ZNF518B: variants seen among roughly 807,000 people sequenced by gnomAD.
The protein encoded by ZNF518B is zinc finger protein 518B.
In ZNF518B, 23 loss-of-function variants were observed where a neutral mutation model predicts 56.3. The observed-to-expected ratio is 0.41, with a 90% confidence interval of 0.29 to 0.58. ZNF518B has a LOEUF of 0.58. Ranked by LOEUF, ZNF518B falls within the 20% of genes least tolerant of loss-of-function variation. The pLI, the probability that ZNF518B is intolerant of heterozygous loss-of-function variation, is 0.32. For synonymous variants in ZNF518B, 529 were observed against 465.9 expected (o/e 1.14, Z -1.74); for missense variants, 1,460 against 1,272.1 (o/e 1.15, Z -2.25).
In ZNF518B at chr4:10,440,022, T is replaced by A. The variant is rs534219873; in HGVS notation, c.*3082A>T. The A allele has an allele frequency of 1.2e-4, 18 of 152,784 alleles. No individual in the cohort carries two copies. The South Asian group carries it at 3.7e-3, about 32-fold the overall frequency. The allele number at this position is 152,784 out of a possible 1,614,324, so 9.5% of individuals were successfully genotyped here. ...AATTACAATAATGCTTAAAACATGTTACACAATGTTTTGTTTCTGCTCATA... is the reference window on the plus strand; with the variant it reads ...AATTACAATAATGCTTAAAACATGTAACACAATGTTTTGTTTCTGCTCATA... On this transcript the variant is annotated 3_prime_UTR_variant, in exon 3 of 3. Transcript: ENST00000326756.
chr4:10,445,843 G>A lies in ZNF518B; in HGVS notation c.486C>T (p.Phe162=), dbSNP rs931822516. ...KHTLQHEEIK[F]ICSHCSYISY... is the part of the protein sequence containing the mutation. ...AAATGTAGCTGCAGTGAGAACAAAT[G>A]AATTTAATCTCCTCGTGTTGAAGGG... Residue 162 remains phenylalanine (F), a synonymous_variant, in exon 3 of 3, where the codon TTC becomes TTT. Coordinates refer to ENST00000326756, the MANE Select transcript of ZNF518B (RefSeq NM_053042.3). 5 of 1,614,122 alleles carry A rather than the reference G, an allele frequency of 3.1e-6. No individual in the cohort carries two copies. Among genetic ancestry groups the A allele is most frequent in the Non-Finnish European group, 3.4e-6 (4 of 1,180,048 alleles).
rs372788187 is a variant in ZNF518B at position 10,443,321 on chromosome 4, A to G, written c.3008T>C (p.Ile1003Thr). Residue 1003 changes from isoleucine to threonine, a missense_variant, in exon 3 of 3, where the codon ATT becomes ACT. Ile to Thr is a moderately conservative substitution (Grantham distance 89, BLOSUM62 -1). Coordinates refer to ENST00000326756, the MANE Select transcript of ZNF518B (RefSeq NM_053042.3). ...TYQNAEEASQIKRQMMLKMKL... is the reference protein window; with the variant it reads ...TYQNAEEASQTKRQMMLKMKL... ...CATTTTCAACATCATTTGCCTTTTAATTTGACTGGCTTCTTCCGCATTCTG... is the reference window on the plus strand; with the variant it reads ...CATTTTCAACATCATTTGCCTTTTAGTTTGACTGGCTTCTTCCGCATTCTG... 3.1e-6 allele frequency: 5 copies of G among 1,614,004 alleles called. No homozygotes were observed. Among genetic ancestry groups the G allele is most frequent in the Admixed American group, 1.7e-5 (1 of 59,992 alleles).
chr4:10,449,765 A>C (rs181754264), intron 2 of ZNF518B, among the ~76,000 whole-genome samples: 1 of 152,372 alleles, frequency 6.6e-6, no homozygotes, highest in East Asian at 1.9e-4. Context: ...CTATTTGAAC[A>C]TAACACCCTC....
Position 10,445,242 on chromosome 4 carries a change from G to A in ZNF518B, c.1087C>T (p.Leu363=), listed in dbSNP as rs111902822. 14 of 1,614,204 alleles carry A rather than the reference G, an allele frequency of 8.7e-6. No homozygotes were observed. In the African/African-American group the frequency reaches 1.1e-4, roughly 12 times the overall value. The change falls in exon 3 of 3, where the codon CTG becomes TTG. Residue 363 remains leucine, a synonymous_variant. Coordinates refer to ENST00000326756, the MANE Select transcript of ZNF518B (RefSeq NM_053042.3). The part of the protein sequence containing the change: ...VNGTQQLVLK[L]FPLEENNCLE... ...CAATTATTTTCTTCCAGCGGAAACA[G>A]TTTCAGAACAAGCTGCTGTGTACCA...
At chr4:10,451,534 C>T (rs1169874250) in intron 2 of ZNF518B, 1 of 152,134 alleles carries the variant, frequency 6.6e-6, no homozygotes, top group Non-Finnish European at 1.5e-5. Context: ...CATATCATAA[C>T]CTGTTAAAAA....
chr4:10,457,660 C>T (rs1715609525), upstream of ZNF518B, among the ~76,000 whole-genome samples: 1 of 152,242 alleles, frequency 6.6e-6, no homozygotes, highest in South Asian at 2.1e-4. Context: ...GATTCGGCTT[C>T]GGTCCTGGCC....
chr4:10,456,192 G>GTT (rs563881387), intron 1 of ZNF518B, among the ~76,000 whole-genome samples: 2 of 146,708 alleles, frequency 1.4e-5, no homozygotes, highest in African/African-American at 2.5e-5. Context: ...ATGCTCTGTA[G>GTT]TTTTTTTTTT....
At chr4:10,460,196 T>G (rs921168546), upstream of ZNF518B, among the ~76,000 whole-genome samples, 7 of 149,742 alleles carry the variant, frequency 4.7e-5, no homozygotes, top group African/African-American at 7.4e-5. Context: ...TCCCAGCTAC[T>G]CAGGAGGCTG....
chr4:10,458,159 A>G (rs1263399268), upstream of ZNF518B, among the ~76,000 whole-genome samples: 1 of 152,172 alleles, frequency 6.6e-6, no homozygotes, highest in African/African-American at 2.4e-5. Flanking sequence ...GAAGGAAGAC[A>G]TATTTAGAAT....
chr4:10,445,467 C>T lies in ZNF518B; in HGVS notation c.862G>A (p.Val288Ile). The change falls in exon 3 of 3, where the codon GTA (valine) becomes ATA (isoleucine). Residue 288 changes from valine (V) to isoleucine (I), a missense_variant. By Grantham distance (29) the Val-to-Ile change is conservative. Coordinates refer to ENST00000326756, the MANE Select transcript of ZNF518B (RefSeq NM_053042.3). ...LPEPKEYQKD[V>I]VCIPNKMTLS... ...GTCATTTTATTTGGAATACAAACTA[C>T]ATCTTTTTGGTATTCCTTTGGTTCA... 7 of 1,614,226 alleles carry T rather than the reference C, an allele frequency of 4.3e-6. No individual in the cohort carries two copies. The highest frequency in any genetic ancestry group is 5.1e-6 in the Non-Finnish European group (6 of 1,180,030).
rs147795710 is a variant in ZNF518B at position 10,444,220 on chromosome 4, G to A, written c.2109C>T (p.Thr703=). The A allele has an allele frequency of 1.7e-5, 27 of 1,614,244 alleles. No homozygotes were observed. The highest frequency in any genetic ancestry group is 1.2e-4 in the African/African-American group (9 of 75,066). The change falls in exon 3 of 3, where the codon ACC becomes ACT. Residue 703 remains threonine, a synonymous_variant. Transcript: ENST00000326756. ...GQASKGTSKA[T]SEGIQEINVS... is the part of the protein sequence containing the mutation. ...CGTTGATTTCTTGAATACCTTCAGAGGTAGCTTTTGAAGTTCCCTTTGATG... is the reference window on the plus strand; with the variant it reads ...CGTTGATTTCTTGAATACCTTCAGAAGTAGCTTTTGAAGTTCCCTTTGATG...
chr4:10,448,651 T>C (rs1363506066), intron 2 of ZNF518B, among the ~76,000 whole-genome samples: 1 of 151,838 alleles, frequency 6.6e-6, no homozygotes, highest in Non-Finnish European at 1.5e-5. Context: ...GCCTGCAGGG[T>C]TGCAGTGGGG....
In ZNF518B at chr4:10,452,008, G is replaced by A. The variant is rs552134012; in HGVS notation, c.-212+2797C>T. 4 of 152,326 alleles carry A rather than the reference G, an allele frequency of 2.6e-5. No individual in the cohort carries two copies. In the South Asian group the frequency reaches 6.2e-4, roughly 24 times the overall value. 9.4% of individuals were successfully genotyped at this position (152,326 alleles called of 1,614,324 possible). Reference sequence around the variant, plus strand: ...CCACATACATTTCTGTTCAGGAGATGCCCAGCAAGCTCAGTGTTAGTTGAC... The same window carrying A: ...CCACATACATTTCTGTTCAGGAGATACCCAGCAAGCTCAGTGTTAGTTGAC... On this transcript the variant is annotated intron_variant, in intron 2 of 2. Transcript: ENST00000326756.
Position 10,443,722 on chromosome 4 carries a change from T to C in ZNF518B, c.2607A>G (p.Gly869=). 6.2e-7 allele frequency: 1 copy of C among 1,614,142 alleles called. No homozygotes were observed. Among genetic ancestry groups the C allele is most frequent in the Non-Finnish European group, 8.5e-7 (1 of 1,180,020 alleles). The part of the protein sequence containing the change: ...RKTGLLYGQQ[G]SSELNKQGRL... ...TCCCTTGCTTATTTAATTCACTGCT[T>C]CCTTGCTGTCCATACAAGAGGCCAG... Residue 869 remains glycine, a synonymous_variant, in exon 3 of 3, where the codon GGA becomes GGG. Coordinates refer to ENST00000326756, the MANE Select transcript of ZNF518B (RefSeq NM_053042.3).
Position 10,444,399 on chromosome 4 carries a change from C to T in ZNF518B, c.1930G>A (p.Glu644Lys), listed in dbSNP as rs747194581. The change falls in exon 3 of 3, where the codon GAA becomes AAA. Residue 644 changes from glutamate (E) to lysine (K), a missense_variant. Glu to Lys is a moderately conservative substitution (Grantham distance 56). Coordinates refer to ENST00000326756, the MANE Select transcript of ZNF518B (RefSeq NM_053042.3). ...SSVFSLSSGS[E>K]NVPEGIKWNS... The stretch of plus-strand genomic sequence containing the variant: ...CACTTAATGCCCTCGGGGACATTTT[C>T]AGATCCAGAGCTCAGAGAAAATACT... 10 of 1,614,072 alleles carry T rather than the reference C, an allele frequency of 6.2e-6. No individual in the cohort carries two copies. In the Admixed American group the frequency reaches 1.0e-4, roughly 16 times the overall value.
chr4:10,454,319 A>G (rs866455075), intron 2 of ZNF518B: 3 of 152,174 alleles, frequency 2.0e-5, no homozygotes, highest in Non-Finnish European at 4.4e-5. Context: ...AGATTCTTAG[A>G]AATTTGAATG....
rs185203640 is a variant in ZNF518B, at chr4:10,450,854, A to G, written c.-212+3951T>C. On this transcript the variant is annotated intron_variant, in intron 2 of 2. Coordinates refer to ENST00000326756, the MANE Select transcript of ZNF518B (RefSeq NM_053042.3). ...TTAGGACTTTCAGATAGCTTAGGAA[A>G]GGTCTCGAAAACACAGAAAAGAATA... is the stretch of plus-strand genomic sequence containing the variant. The G allele has an allele frequency of 1.0e-4, 16 of 152,390 alleles. No individual in the cohort carries two copies. The East Asian group carries it at 2.9e-3, about 28-fold the overall frequency. 9.4% of individuals were successfully genotyped at this position (152,390 alleles called of 1,614,324 possible).
Position 10,444,251 on chromosome 4 carries a change from C to T in ZNF518B, c.2078G>A (p.Gly693Glu), listed in dbSNP as rs759788212. Reference protein sequence around the residue: ...ASNSAHRRSVGQASKGTSKAT... With the variant: ...ASNSAHRRSVEQASKGTSKAT... Reference sequence around the variant, plus strand: ...TTTTGAAGTTCCCTTTGATGCCTGCCCTACAGAGCGACGATGTGCACTATT... The same window carrying T: ...TTTTGAAGTTCCCTTTGATGCCTGCTCTACAGAGCGACGATGTGCACTATT... The change falls in exon 3 of 3, where the codon GGG (glycine) becomes GAG (glutamate). Residue 693 changes from glycine (G) to glutamate (E), a missense_variant. Physicochemically the swap from Gly to Glu is moderately conservative, Grantham distance 98 (BLOSUM62 -2). Coordinates refer to ENST00000326756, the MANE Select transcript of ZNF518B (RefSeq NM_053042.3). 1 of 1,614,134 alleles carries T rather than the reference C, an allele frequency of 6.2e-7. No homozygotes were observed. The highest frequency in any genetic ancestry group is 8.5e-7 in the Non-Finnish European group (1 of 1,180,030).
rs1715586038 is a variant in ZNF518B, at chr4:10,457,343, T to G, written c.-422A>C. Reference sequence around the variant, plus strand: ...CGGCAGGCCGGATTCGGGTGCCAGGTCCCGGCGAAGGGGCGTCTACACCGC... The same window carrying G: ...CGGCAGGCCGGATTCGGGTGCCAGGGCCCGGCGAAGGGGCGTCTACACCGC... On this transcript the variant is annotated 5_prime_UTR_variant, in exon 1 of 3. Coordinates refer to ENST00000326756, the MANE Select transcript of ZNF518B (RefSeq NM_053042.3). 6.6e-6 allele frequency: 1 copy of G among 151,736 alleles called. No individual in the cohort carries two copies. The highest frequency in any genetic ancestry group is 2.4e-5 in the African/African-American group (1 of 41,348). The allele number at this position is 151,736 out of a possible 1,614,324, so 9.4% of individuals were successfully genotyped here.
Sources: allele counts gnomAD v4.1 joint callset (sites outside exome capture counted in the v4.1 genomes callset), GRCh38; gene constraint gnomAD v4.1.1; transcripts MANE v1.5; gene names NCBI Gene and HGNC (gene_info 2026-07-23, HGNC 2026-07-21).